KHDRBS2: variants seen among roughly 807,000 people sequenced by gnomAD.
KHDRBS2 encodes the protein KH RNA binding domain containing, signal transduction associated 2.
KHDRBS2 carries 26 observed loss-of-function variants against 44.3 expected under a neutral mutation model. The ratio of observed to expected loss-of-function variants is 0.59; its 90% CI spans 0.43 to 0.81. KHDRBS2 has a LOEUF of 0.81. Ranked by LOEUF, KHDRBS2 falls within the 40% of genes least tolerant of loss-of-function variation. The pLI is 0.00. For missense variants in KHDRBS2, 476 were observed against 433.1 expected, an observed-to-expected ratio of 1.10 and a Z score of -0.88; for synonymous variants, 194 against 151.1, an observed-to-expected ratio of 1.28 and a Z score of -2.08.
intron 1 of KHDRBS2, among the ~76,000 whole-genome samples, chr6:62,257,530 C>T (rs982715792): frequency 6.6e-6 from 1 of 152,012 alleles, no homozygotes; most frequent in African/African-American, 2.4e-5. Flanking sequence ...CCTCGAATAA[C>T]TCATATTTAT....
chr6:61,810,324 TGA>T (rs1212855372), intron 6 of KHDRBS2, among the ~76,000 whole-genome samples: 1 of 151,996 alleles, frequency 6.6e-6, no homozygotes, highest in Non-Finnish European at 1.5e-5. Flanking sequence ...TGTGTGGTGT[TGA>T]GAGATGACCA....
chr6:61,573,937 A>G, the KHDRBS2 span, among the ~76,000 whole-genome samples: 1 of 152,238 alleles, frequency 6.6e-6, no homozygotes, highest in Non-Finnish European at 1.5e-5. Flanking sequence ...ATTAAAAAAG[A>G]CACATAGACC....
intron 3 of KHDRBS2, among the ~76,000 whole-genome samples, chr6:62,040,700 AAGC>A (rs1367269171): frequency 6.6e-6 from 1 of 152,136 alleles, no homozygotes; most frequent in Non-Finnish European, 1.5e-5. Flanking sequence ...TCTTCACAGT[AAGC>A]AGCATCAGGA....
intron 8 of KHDRBS2, among the ~76,000 whole-genome samples, chr6:61,682,690 T>C (rs1209567371): frequency 6.6e-6 from 1 of 151,910 alleles, no homozygotes; most frequent in East Asian, 1.9e-4. Flanking sequence ...AGATCTGTGC[T>C]CTAGACCATG....
At chr6:61,595,514 TC>T in the KHDRBS2 span, among the ~76,000 whole-genome samples, 1 of 152,136 alleles carries the variant, frequency 6.6e-6, no homozygotes, top group Non-Finnish European at 1.5e-5. Flanking sequence ...TTTATAACTT[TC>T]CTCAACAAAA....
intron 3 of KHDRBS2, among the ~76,000 whole-genome samples, chr6:62,021,148 A>G (rs1782219274): frequency 1.3e-5 from 2 of 152,082 alleles, no homozygotes; most frequent in Admixed American, 6.6e-5. Flanking sequence ...AATACCGCCT[A>G]TTCCCACTTA....
rs190665730 is a variant in KHDRBS2, at chr6:61,772,721, C to T, written c.811-39957G>A. Among the ~76,000 whole-genome samples, 23 of 151,852 alleles carry T rather than the reference C, an allele frequency of 1.5e-4. No individual in the cohort carries two copies. In the Middle Eastern group the frequency reaches 0.01, roughly 67 times the overall value. ...TAGTTACATATGTATACATGTGCCA[C>T]GCTGGTGTGCTGAACCCATTAACTC... On this transcript the variant is annotated intron_variant, in intron 6 of 8. Transcript: ENST00000281156.
intron 1 of KHDRBS2, among the ~76,000 whole-genome samples, chr6:62,266,102 C>T (rs1839159453): frequency 6.6e-6 from 1 of 152,090 alleles, no homozygotes; most frequent in Non-Finnish European, 1.5e-5. Context: ...GACAAGCCAT[C>T]TTCCTCCTCA....
chr6:62,006,780 G>T (rs924459673), intron 3 of KHDRBS2, among the ~76,000 whole-genome samples: 1 of 151,606 alleles, frequency 6.6e-6, no homozygotes, highest in African/African-American at 2.4e-5. Context: ...TAATTTAAAA[G>T]AAGACAAAAC....
At chr6:61,786,041 G>A (rs1356765547) in intron 6 of KHDRBS2, among the ~76,000 whole-genome samples, 2 of 151,426 alleles carry the variant, frequency 1.3e-5, no homozygotes, top group East Asian at 1.9e-4. Context: ...TCTCTTTCTC[G>A]TTCATACACA....
rs577066737 is a variant in KHDRBS2 at position 62,108,041 on chromosome 6, C to T, written c.220-60047G>A. On this transcript the variant is annotated intron_variant, in intron 2 of 8. Coordinates refer to ENST00000281156, the MANE Select transcript of KHDRBS2 (RefSeq NM_152688.4). ...TTCAGGACATAGGCATGGGCAAGGA[C>T]TTCATGTCTAAAACACCAAAAGCAA... Among the ~76,000 whole-genome samples, 8 of 152,262 alleles carry T rather than the reference C, an allele frequency of 5.3e-5. No individual in the cohort carries two copies. The South Asian group carries it at 1.4e-3, about 28-fold the overall frequency.
At chr6:62,200,086 A>G (rs998486224) in intron 1 of KHDRBS2, among the ~76,000 whole-genome samples, 6 of 152,200 alleles carry the variant, frequency 3.9e-5, no homozygotes, top group Non-Finnish European at 5.9e-5. Flanking sequence ...AAATTAATTC[A>G]AGATGGATTA....
At chr6:61,785,842 T>C (rs1783724971) in intron 6 of KHDRBS2, among the ~76,000 whole-genome samples, 1 of 152,162 alleles carries the variant, frequency 6.6e-6, no homozygotes, top group African/African-American at 2.4e-5. Flanking sequence ...AGCAATAGTG[T>C]GAAATGAGCT....
intron 6 of KHDRBS2, among the ~76,000 whole-genome samples, chr6:61,824,088 C>T (rs1790447089): frequency 6.6e-6 from 1 of 151,950 alleles, no homozygotes; most frequent in South Asian, 2.1e-4. Flanking sequence ...AGAGTATTGT[C>T]AGAGCACTAA....
At chr6:61,590,773 T>C in the KHDRBS2 span, among the ~76,000 whole-genome samples, 1 of 152,128 alleles carries the variant, frequency 6.6e-6, no homozygotes, top group Non-Finnish European at 1.5e-5. Flanking sequence ...CAATGAAAAA[T>C]CTGGAATTCA....
Position 62,209,776 on chromosome 6 carries a change from C to G in KHDRBS2, c.92-32464G>C, listed in dbSNP as rs570427892. Among the ~76,000 whole-genome samples, 17 of 152,280 alleles carry G rather than the reference C, an allele frequency of 1.1e-4. No individual in the cohort carries two copies. In the South Asian group the frequency reaches 3.5e-3, roughly 32 times the overall value. ...GTTGGAAGAACTAGACTTGCTGAGT[C>G]TTCCAGCCTTCATCTTTCTCCTGTG... On this transcript the variant is annotated intron_variant, in intron 1 of 8. Coordinates refer to ENST00000281156, the MANE Select transcript of KHDRBS2 (RefSeq NM_152688.4).
intron 5 of KHDRBS2, among the ~76,000 whole-genome samples, chr6:61,900,469 G>A (rs1469697271): frequency 6.6e-6 from 1 of 152,116 alleles, no homozygotes. Context: ...TGAAGGCTAT[G>A]AGTATTTTTT....
intron 1 of KHDRBS2, among the ~76,000 whole-genome samples, chr6:62,221,064 C>A (rs1205566107): frequency 6.6e-6 from 1 of 151,488 alleles, no homozygotes; most frequent in African/African-American, 2.4e-5. Context: ...GAAAGCAATA[C>A]GTGTCCACTG....
At chr6:61,673,877 C>A in the KHDRBS2 span, among the ~76,000 whole-genome samples, 10 of 148,420 alleles carry the variant, frequency 6.7e-5, no homozygotes, top group Non-Finnish European at 1.5e-4. Flanking sequence ...TCAATGCCAT[C>A]CCCATCAAGC....
Sources: gnomAD v4.1 joint callset for allele counts (sites outside exome capture counted in the v4.1 genomes callset) on GRCh38, gnomAD v4.1.1 for gene constraint, MANE v1.5 for transcripts, NCBI Gene and HGNC (gene_info 2026-07-23, HGNC 2026-07-21) for gene names.